ITGBL1: variants seen among roughly 807,000 people sequenced by gnomAD.
ITGBL1 encodes the protein integrin subunit beta like 1.
A neutral mutation model predicts 68.5 loss-of-function variants in ITGBL1; 51 were observed. That is an observed-to-expected ratio of 0.74 (90% CI 0.59 to 0.94). ITGBL1 has a LOEUF of 0.94. ITGBL1 is among the 40% of genes least tolerant of loss of function. The pLI, the probability that ITGBL1 is intolerant of heterozygous loss-of-function variation, is 0.00. For missense variants in ITGBL1, 649 were observed against 647.4 expected, an observed-to-expected ratio of 1.00 and a Z score of -0.03; for synonymous variants, 209 against 227.3, an observed-to-expected ratio of 0.92 and a Z score of 0.72.
intron 2 of ITGBL1, among the ~76,000 whole-genome samples, chr13:101,487,465 G>A (rs1336454476): frequency 6.6e-6 from 1 of 152,048 alleles, no homozygotes; most frequent in Non-Finnish European, 1.5e-5. Flanking sequence ...TCCTGGTAGC[G>A]AAAATTTAGC....
At chr13:101,635,404 T>C (rs1594944356) in intron 7 of ITGBL1, among the ~76,000 whole-genome samples, 1 of 152,100 alleles carries the variant, frequency 6.6e-6, no homozygotes, top group East Asian at 1.9e-4. Flanking sequence ...GAATATAATC[T>C]CTTTGAAATA....
At chr13:101,531,643 T>G in intron 2 of ITGBL1, among the ~76,000 whole-genome samples, 1 of 151,830 alleles carries the variant, frequency 6.6e-6, no homozygotes, top group Non-Finnish European at 1.5e-5. Context: ...TCTTAAGTAG[T>G]TTAGGTATTT....
chr13:101,464,993 T>C (rs2048364535), intron 2 of ITGBL1, among the ~76,000 whole-genome samples: 1 of 152,206 alleles, frequency 6.6e-6, no homozygotes, highest in African/African-American at 2.4e-5. Context: ...TTTGTGTCTT[T>C]ATCTGTTTAA....
Position 101,454,007 on chromosome 13 carries a change from A to G in ITGBL1, c.223A>G (p.Ile75Val), listed in dbSNP as rs766847983. The change falls in exon 2 of 11, where the codon ATC becomes GTC. Residue 75 changes from isoleucine (I) to valine (V), a missense_variant. Transcript: ENST00000376180. The stretch of plus-strand genomic sequence containing the variant: ...GGGCCGCTGCGACTGCGGCGTCTGC[A>G]TCTGCCACGTGACTGAGCCGGGCAT... ...GRGRCDCGVC[I>V]CHVTEPGMFF... is the part of the protein sequence containing the mutation. The G allele has an allele frequency of 6.3e-7, 1 of 1,574,936 alleles. No individual in the cohort carries two copies. The highest frequency in any genetic ancestry group is 1.2e-5 in the South Asian group (1 of 84,986).
At chr13:101,515,654 C>T (rs1405484001) in intron 2 of ITGBL1, among the ~76,000 whole-genome samples, 1 of 151,886 alleles carries the variant, frequency 6.6e-6, no homozygotes, top group East Asian at 1.9e-4. Flanking sequence ...TTTATGTATG[C>T]AGACATATTT....
At chr13:101,593,714 A>C (rs1356287494) in intron 6 of ITGBL1, among the ~76,000 whole-genome samples, 2 of 152,086 alleles carry the variant, frequency 1.3e-5, no homozygotes, top group African/African-American at 4.8e-5. Context: ...ATAAAATTGA[A>C]ATCATAGAAG....
intron 2 of ITGBL1, among the ~76,000 whole-genome samples, chr13:101,521,162 T>C (rs2049277918): frequency 1.3e-5 from 2 of 152,226 alleles, no homozygotes; most frequent in South Asian, 4.1e-4. Context: ...GTTTGGGGCA[T>C]AGATTCTGAG....
intron 8 of ITGBL1, among the ~76,000 whole-genome samples, chr13:101,693,632 A>G (rs201961692): frequency 0.059 from 8,079 of 136,212 alleles, 716 homozygotes; most frequent in African/African-American, 0.2. Context: ...CTGTCTATCT[A>G]TCTATCTATC....
At chr13:101,592,478 A>C (rs911148871) in intron 6 of ITGBL1, among the ~76,000 whole-genome samples, 4 of 152,088 alleles carry the variant, frequency 2.6e-5, no homozygotes, top group Non-Finnish European at 5.9e-5. Flanking sequence ...TGCACCAAAA[A>C]CTGTAAAACA....
intron 7 of ITGBL1, among the ~76,000 whole-genome samples, chr13:101,665,922 C>A (rs1392141819): frequency 6.6e-6 from 1 of 152,140 alleles, no homozygotes; most frequent in East Asian, 1.9e-4. Flanking sequence ...AACTGCCTGC[C>A]TAACCTTGGA....
intron 2 of ITGBL1, among the ~76,000 whole-genome samples, chr13:101,463,763 A>G (rs1225400674): frequency 1.3e-5 from 2 of 151,624 alleles, no homozygotes; most frequent in African/African-American, 2.4e-5. Context: ...AAGCAACACA[A>G]TAAAAAAACA....
chr13:101,549,629 AATTTTTTAAAAG>A (rs2139208466), intron 2 of ITGBL1, among the ~76,000 whole-genome samples: 1 of 152,160 alleles, frequency 6.6e-6, no homozygotes, highest in South Asian at 2.1e-4. Flanking sequence ...CTTCTAAGAA[AATTTTTTAAAAG>A]ATTTTTTATA....
chr13:101,584,370 A>G (rs2050515491), intron 6 of ITGBL1, among the ~76,000 whole-genome samples: 1 of 152,166 alleles, frequency 6.6e-6, no homozygotes. Context: ...GGAGTTATAG[A>G]TTTTCAGTCC....
At chr13:101,621,428 T>C (rs1483096629) in intron 7 of ITGBL1, among the ~76,000 whole-genome samples, 1 of 152,156 alleles carries the variant, frequency 6.6e-6, no homozygotes, top group Non-Finnish European at 1.5e-5. Flanking sequence ...AACATGACCT[T>C]GAGCCTTAGT....
intron 8 of ITGBL1, 55 bp downstream of exon 8, chr13:101,692,756 C>T (rs980418883): frequency 1.9e-6 from 2 of 1,047,632 alleles, no homozygotes. Flanking sequence ...CTTTACCTGC[C>T]TTTGTTATTC....
chr13:101,472,119 G>C (rs1164794318), intron 2 of ITGBL1, among the ~76,000 whole-genome samples: 1 of 151,992 alleles, frequency 6.6e-6, no homozygotes, highest in Admixed American at 6.6e-5. Context: ...TTAACTTCTG[G>C]ATGTATTTTT....
chr13:101,625,894 A>G (rs1006419336), intron 7 of ITGBL1, among the ~76,000 whole-genome samples: 6 of 152,124 alleles, frequency 3.9e-5, no homozygotes, highest in Non-Finnish European at 7.4e-5. Context: ...GATGCGTTAG[A>G]CACTGTTCTA....
At chr13:101,457,805 C>T (rs368972778) in intron 2 of ITGBL1, among the ~76,000 whole-genome samples, 8 of 152,040 alleles carry the variant, frequency 5.3e-5, no homozygotes, top group Admixed American at 3.9e-4. Context: ...GACAGAACGA[C>T]ACTCCATCAC....
At chr13:101,672,844 G>T (rs1003437182) in intron 7 of ITGBL1, among the ~76,000 whole-genome samples, 2 of 152,038 alleles carry the variant, frequency 1.3e-5, no homozygotes, top group Non-Finnish European at 2.9e-5. Context: ...AGCACAAAAT[G>T]ACCAACCCCA....
Sources: gnomAD v4.1 joint callset for allele counts (sites outside exome capture counted in the v4.1 genomes callset) on GRCh38, gnomAD v4.1.1 for gene constraint, MANE v1.5 for transcripts, NCBI Gene and HGNC (gene_info 2026-07-23, HGNC 2026-07-21) for gene names.